The following DISC1 variants were observed in gnomAD, a reference collection of about 807,000 sequenced individuals.
DISC1 encodes DISC1 scaffold protein, also known as disrupted in schizophrenia 1 protein.
In DISC1, 57 loss-of-function variants were observed where a neutral mutation model predicts 84.5. That is an observed-to-expected ratio of 0.67 (90% CI 0.55 to 0.84). DISC1 has a LOEUF of 0.84. DISC1 is among the 40% of genes least tolerant of loss of function. DISC1 has a pLI of 0.00. For missense variants in DISC1, 1,000 were observed against 1,057.8 expected (o/e 0.95, Z 0.76); for synonymous variants, 411 against 415.2 (o/e 0.99, Z 0.12).
chr1:231,655,446 A>G (rs2060976327), intron 1 of DISC1, among the ~76,000 whole-genome samples: 2 of 152,130 alleles, frequency 1.3e-5, no homozygotes, highest in Non-Finnish European at 2.9e-5. Context: ...TTTTATGGCT[A>G]ACTAGTATTC....
chr1:231,736,438 T>C (rs932598455), intron 3 of DISC1, among the ~76,000 whole-genome samples: 2 of 152,252 alleles, frequency 1.3e-5, no homozygotes, highest in African/African-American at 4.8e-5. Flanking sequence ...GAATTTCACT[T>C]TCTGCATTTG....
intron 10 of DISC1, among the ~76,000 whole-genome samples, chr1:231,999,399 G>A (rs998530665): frequency 5.9e-5 from 9 of 152,116 alleles, no homozygotes; most frequent in African/African-American, 2.2e-4. Context: ...CTCCAACCAA[G>A]CAACCAAAGG....
chr1:231,922,575 G>C lies in DISC1; in HGVS notation c.1982-36253G>C, dbSNP rs115482350. 6.7e-3 allele frequency among the ~76,000 whole-genome samples: 1,014 copies of C among 152,244 alleles called. 9 individuals are homozygous for C. The highest frequency in any genetic ancestry group is 0.023 in the African/African-American group (940 of 41,546). ...AATAGTTGTCCTAACCACTTGGCTAGATGGCTGCCTGTGGGGTGGTGCTTC... is the reference window on the plus strand; with the variant it reads ...AATAGTTGTCCTAACCACTTGGCTACATGGCTGCCTGTGGGGTGGTGCTTC... On this transcript the variant is annotated intron_variant, in intron 9 of 12. Transcript: ENST00000439617.
At chr1:231,756,379 A>C (rs940906788) in intron 4 of DISC1, among the ~76,000 whole-genome samples, 2 of 152,202 alleles carry the variant, frequency 1.3e-5, no homozygotes, top group East Asian at 3.8e-4. Context: ...ACAAGACTGT[A>C]TTATATTTAT....
chr1:231,704,506 C>T (rs1031334445), intron 3 of DISC1, among the ~76,000 whole-genome samples: 2 of 152,130 alleles, frequency 1.3e-5, no homozygotes, highest in African/African-American at 4.8e-5. Context: ...CCTATAATCC[C>T]AGCACTTTGG....
chr1:231,730,823 T>C (rs2071420391), intron 3 of DISC1, among the ~76,000 whole-genome samples: 1 of 152,246 alleles, frequency 6.6e-6, no homozygotes, highest in Non-Finnish European at 1.5e-5. Context: ...CTAAGTGAGT[T>C]AGTCCTAGCC....
chr1:231,861,452 G>GTTTTTTTTTTTTTTTTTTTTTTTTTTTTT (rs59522401), intron 9 of DISC1, among the ~76,000 whole-genome samples: 1 of 88,968 alleles, frequency 1.1e-5, no homozygotes, highest in Non-Finnish European at 2.2e-5. Context: ...ATTTTGACAA[G>GTTTTTTTTTTTTTTTTTTTTTTTTTTTTT]TTTTTTTTTT....
intron 3 of DISC1, chr1:231,721,014 T>C: frequency 1.5e-6 from 2 of 1,290,956 alleles, no homozygotes; most frequent in Non-Finnish European, 2.0e-6. Flanking sequence ...TCATGAAAAT[T>C]GACAATGGAA....
intron 10 of DISC1, among the ~76,000 whole-genome samples, chr1:232,005,346 A>G (rs1272627020): frequency 6.6e-6 from 1 of 152,080 alleles, no homozygotes; most frequent in Non-Finnish European, 1.5e-5. Context: ...CTAGATTGCC[A>G]GTTAATTTCT....
At chr1:231,647,097 G>A (rs1385885242) in intron 1 of DISC1, among the ~76,000 whole-genome samples, 1 of 152,188 alleles carries the variant, frequency 6.6e-6, no homozygotes, top group Non-Finnish European at 1.5e-5. Context: ...TTTGGCTTGT[G>A]TTGCCATTGC....
At chr1:231,998,145 T>G (rs1277181458) in intron 10 of DISC1, among the ~76,000 whole-genome samples, 4 of 152,212 alleles carry the variant, frequency 2.6e-5, no homozygotes, top group Non-Finnish European at 4.4e-5. Context: ...GAATGCCAAG[T>G]GGATTCAGCT....
At chr1:231,674,875 C>G (rs1432810587) in intron 1 of DISC1, among the ~76,000 whole-genome samples, 1 of 152,170 alleles carries the variant, frequency 6.6e-6, no homozygotes, top group Non-Finnish European at 1.5e-5. Flanking sequence ...GTGTAGTGTT[C>G]CGGATGTCCC....
chr1:231,787,336 C>T (rs2077958808), intron 6 of DISC1, among the ~76,000 whole-genome samples: 1 of 152,006 alleles, frequency 6.6e-6, no homozygotes, highest in Admixed American at 6.6e-5. Flanking sequence ...CTGGCAAGGA[C>T]CTTCTTACTG....
intron 1 of DISC1, among the ~76,000 whole-genome samples, chr1:231,680,869 G>C (rs982075408): frequency 1.3e-4 from 20 of 152,184 alleles, no homozygotes; most frequent in African/African-American, 4.8e-4. Context: ...GCATTAAAAA[G>C]GTAACTGTGA....
At chr1:231,803,310 C>T (rs1558573018) in intron 8 of DISC1, among the ~76,000 whole-genome samples, 2 of 152,192 alleles carry the variant, frequency 1.3e-5, no homozygotes, top group Admixed American at 1.3e-4. Context: ...TGAATTCAGA[C>T]ACTGGTATGC....
chr1:231,710,274 C>T (rs142677838), intron 3 of DISC1, among the ~76,000 whole-genome samples: 168 of 152,110 alleles, frequency 1.1e-3, no homozygotes, highest in African/African-American at 3.6e-3. Flanking sequence ...CTTGGGAGGC[C>T]GAGGCTGCAG....
intron 9 of DISC1, among the ~76,000 whole-genome samples, chr1:231,874,138 C>A (rs2085675472): frequency 6.6e-6 from 1 of 151,944 alleles, no homozygotes; most frequent in Non-Finnish European, 1.5e-5. Flanking sequence ...GTGTGAGCTA[C>A]CGTGTCTGGC....
chr1:231,784,863 C>T (rs2077711187), intron 6 of DISC1, among the ~76,000 whole-genome samples: 1 of 152,222 alleles, frequency 6.6e-6, no homozygotes, highest in African/African-American at 2.4e-5. Flanking sequence ...CTCCACTGCA[C>T]CACACTGGCT....
chr1:231,838,582 C>T (rs1337705953), intron 9 of DISC1, among the ~76,000 whole-genome samples: 3 of 151,994 alleles, frequency 2.0e-5, no homozygotes, highest in Admixed American at 1.3e-4. Context: ...GTTTTTTGCC[C>T]TTTGGCCTAA....
Sources: gnomAD v4.1 joint callset for allele counts (sites outside exome capture counted in the v4.1 genomes callset) on GRCh38, gnomAD v4.1.1 for gene constraint, MANE v1.5 for transcripts, NCBI Gene and HGNC (gene_info 2026-07-23, HGNC 2026-07-21) for gene names.